The following QTMAN variants were observed in gnomAD, a reference collection of about 807,000 sequenced individuals.
QTMAN encodes the protein tRNA-queuosine alpha-mannosyltransferase.
At chr2:144,008,005 A>C in the QTMAN span, among the ~76,000 whole-genome samples, 5 of 152,154 alleles carry the variant, frequency 3.3e-5, no homozygotes, top group Non-Finnish European at 7.4e-5. Context: ...ACTTTGTATT[A>C]AATTGACTTG....
the QTMAN span, among the ~76,000 whole-genome samples, chr2:144,213,012 T>A: frequency 2.0e-5 from 3 of 152,172 alleles, no homozygotes; most frequent in Non-Finnish European, 4.4e-5. Context: ...CAAAAATGCA[T>A]ATTCATAATC....
the QTMAN span, chr2:144,178,601 T>C: frequency 0.11 from 16,157 of 153,814 alleles, 1,954 homozygotes; most frequent in African/African-American, 0.29. Flanking sequence ...TCCTTTAACT[T>C]GACAAAGGGA....
At chr2:144,237,364 G>C in the QTMAN span, 1 of 152,202 alleles carries the variant, frequency 6.6e-6, no homozygotes, top group East Asian at 1.9e-4. Flanking sequence ...GATGAAGACA[G>C]AGTAGCTATT....
chr2:144,073,439 G>C, the QTMAN span, among the ~76,000 whole-genome samples: 3 of 151,980 alleles, frequency 2.0e-5, no homozygotes, highest in Admixed American at 6.6e-5. Flanking sequence ...AACTTCAAGG[G>C]AGTCATTCTA....
At chr2:144,182,907 A>AT in the QTMAN span, among the ~76,000 whole-genome samples, 36 of 102,842 alleles carry the variant, frequency 3.5e-4, no homozygotes, top group East Asian at 5.0e-4. Flanking sequence ...TATATTATAT[A>AT]TATATATAAA....
the QTMAN span, among the ~76,000 whole-genome samples, chr2:144,271,903 C>T: frequency 5.9e-5 from 9 of 152,206 alleles, no homozygotes; most frequent in Admixed American, 3.9e-4. Context: ...GTCTAAAAAA[C>T]TTATAAATGA....
At chr2:144,050,152 T>G in the QTMAN span, among the ~76,000 whole-genome samples, 1 of 152,204 alleles carries the variant, frequency 6.6e-6, no homozygotes, top group Non-Finnish European at 1.5e-5. Flanking sequence ...TTGTCGTATT[T>G]TTGTTTCTCT....
At chr2:144,320,506 T>C in the QTMAN span, among the ~76,000 whole-genome samples, 1 of 152,212 alleles carries the variant, frequency 6.6e-6, no homozygotes, top group South Asian at 2.1e-4. Context: ...GGCTCAGTTT[T>C]GCCTCAATCC....
the QTMAN span, among the ~76,000 whole-genome samples, chr2:144,258,800 T>C: frequency 6.6e-6 from 1 of 152,186 alleles, no homozygotes; most frequent in Non-Finnish European, 1.5e-5. Context: ...AGATATGTGT[T>C]AGTATAAAGA....
At chr2:144,180,203 CTGTT>C in the QTMAN span, among the ~76,000 whole-genome samples, 1 of 152,134 alleles carries the variant, frequency 6.6e-6, no homozygotes, top group Non-Finnish European at 1.5e-5. Flanking sequence ...TGAACGCTCA[CTGTT>C]TGTTTCATTT....
chr2:144,084,271 T>C, the QTMAN span, among the ~76,000 whole-genome samples: 97 of 152,360 alleles, frequency 6.4e-4, no homozygotes, highest in African/African-American at 2.2e-3. Context: ...TTAAGCTATC[T>C]TTCTTTTGCT....
At chr2:143,957,004 G>GA in the QTMAN span, among the ~76,000 whole-genome samples, 2 of 152,064 alleles carry the variant, frequency 1.3e-5, no homozygotes, top group Non-Finnish European at 1.5e-5. Context: ...TATGTGGGGG[G>GA]AAAAATGAAA....
At chr2:144,327,472 C>T in the QTMAN span, among the ~76,000 whole-genome samples, 3 of 152,160 alleles carry the variant, frequency 2.0e-5, no homozygotes, top group East Asian at 3.9e-4. Flanking sequence ...TAAAAATCAC[C>T]GATTTATGGG....
At chr2:144,219,125 T>C in the QTMAN span, among the ~76,000 whole-genome samples, 1 of 152,254 alleles carries the variant, frequency 6.6e-6, no homozygotes, top group East Asian at 1.9e-4. Flanking sequence ...ACAGACCTTT[T>C]TTTTAATTCT....
chr2:144,174,360 C>A, the QTMAN span, among the ~76,000 whole-genome samples: 2 of 152,190 alleles, frequency 1.3e-5, no homozygotes, highest in Admixed American at 1.3e-4. Flanking sequence ...AGCCTCCCCC[C>A]TCATTTGGTT....
the QTMAN span, among the ~76,000 whole-genome samples, chr2:143,997,046 G>A: frequency 6.6e-6 from 1 of 152,046 alleles, no homozygotes; most frequent in African/African-American, 2.4e-5. Flanking sequence ...TGTTTACAAA[G>A]TTACCACAAG....
At chr2:144,277,942 G>A in the QTMAN span, among the ~76,000 whole-genome samples, 2 of 152,256 alleles carry the variant, frequency 1.3e-5, no homozygotes, top group African/African-American at 4.8e-5. Context: ...ATCTGCATAT[G>A]CCCTGAGTTT....
chr2:144,019,529 G>A, the QTMAN span, among the ~76,000 whole-genome samples: 9 of 146,174 alleles, frequency 6.2e-5, no homozygotes, highest in Non-Finnish European at 3.0e-5. Flanking sequence ...ACAGAAACTC[G>A]GAAAGGCTCA....
the QTMAN span, among the ~76,000 whole-genome samples, chr2:144,075,142 C>G: frequency 6.6e-6 from 1 of 152,104 alleles, no homozygotes; most frequent in Non-Finnish European, 1.5e-5. Flanking sequence ...AGAAAAAATT[C>G]TACATGAAAC....
Sources: gnomAD v4.1 joint callset for allele counts (sites outside exome capture counted in the v4.1 genomes callset) on GRCh38, gnomAD v4.1.1 for gene constraint, MANE v1.5 for transcripts, NCBI Gene and HGNC (gene_info 2026-07-23, HGNC 2026-07-21) for gene names.